DLG2: variants seen among roughly 807,000 people sequenced by gnomAD.
DLG2 encodes the protein discs large MAGUK scaffold protein 2, also known as disks large homolog 2.
DLG2 carries 45 observed loss-of-function variants against 132.5 expected under a neutral mutation model. That is an observed-to-expected ratio of 0.34 (90% CI 0.27 to 0.44). The LOEUF (loss-of-function observed/expected upper bound fraction) is 0.44. Among genes scored for constraint, DLG2 ranks in the 20% least tolerant of loss-of-function variants. The pLI, the probability that DLG2 is intolerant of heterozygous loss-of-function variation, is 1.00. For synonymous variants in DLG2, 424 were observed against 419.6 expected, an observed-to-expected ratio of 1.01 and a Z score of -0.13; for missense variants, 1,045 against 1,196.9, an observed-to-expected ratio of 0.87 and a Z score of 1.87.
At chr11:84,764,171 C>T (rs2068055000) in intron 6 of DLG2, among the ~76,000 whole-genome samples, 1 of 152,230 alleles carries the variant, frequency 6.6e-6, no homozygotes, top group African/African-American at 2.4e-5. Flanking sequence ...AGGAAGAATG[C>T]TTTCCAAAAC....
chr11:84,212,867 C>G (rs1317292335), intron 8 of DLG2, among the ~76,000 whole-genome samples: 1 of 152,152 alleles, frequency 6.6e-6, no homozygotes, highest in African/African-American at 2.4e-5. Context: ...ACCTTGTTAG[C>G]CAGGATGGTC....
chr11:83,963,597 T>G (rs750723641), intron 13 of DLG2, among the ~76,000 whole-genome samples: 1 of 151,978 alleles, frequency 6.6e-6, no homozygotes, highest in Non-Finnish European at 1.5e-5. Context: ...CCATTTTATA[T>G]GTTGAGATGA....
intron 19 of DLG2, among the ~76,000 whole-genome samples, chr11:83,554,153 G>A (rs146754609): frequency 6.4e-4 from 97 of 151,966 alleles, no homozygotes; most frequent in African/African-American, 2.2e-3. Context: ...CAAAGTGCTG[G>A]GATTACAGGA....
chr11:85,028,340 T>G (rs1345420073), intron 6 of DLG2, among the ~76,000 whole-genome samples: 1 of 152,156 alleles, frequency 6.6e-6, no homozygotes, highest in African/African-American at 2.4e-5. Flanking sequence ...AAGTTCTCAC[T>G]GTAAGCCACG....
intron 17 of DLG2, among the ~76,000 whole-genome samples, chr11:83,808,437 C>T (rs1405819347): frequency 1.3e-5 from 2 of 152,110 alleles, no homozygotes; most frequent in African/African-American, 4.8e-5. Context: ...GACCAAGAGG[C>T]ATTAAGTCAG....
chr11:83,515,988 G>A (rs1592262504), intron 21 of DLG2, among the ~76,000 whole-genome samples: 1 of 152,152 alleles, frequency 6.6e-6, no homozygotes, highest in South Asian at 2.1e-4. Context: ...GTGCTGAAAA[G>A]AATGTATATT....
At chr11:84,134,777 A>G (rs1324798378) in intron 9 of DLG2, among the ~76,000 whole-genome samples, 2 of 151,644 alleles carry the variant, frequency 1.3e-5, no homozygotes, top group African/African-American at 4.8e-5. Context: ...TGTTTGTACA[A>G]CTGATATATT....
At chr11:84,036,139 G>C (rs2095857688) in intron 11 of DLG2, among the ~76,000 whole-genome samples, 1 of 151,996 alleles carries the variant, frequency 6.6e-6, no homozygotes, top group Non-Finnish European at 1.5e-5. Context: ...GACTACCTAG[G>C]AGAAGAGGTT....
At chr11:83,770,881 T>C (rs550699440) in intron 18 of DLG2, among the ~76,000 whole-genome samples, 13 of 152,148 alleles carry the variant, frequency 8.5e-5, no homozygotes, top group Non-Finnish European at 1.5e-4. Context: ...GAAAATCCAC[T>C]TTTTTTGCTT....
At chr11:85,071,176 G>A (rs950742944) in intron 6 of DLG2, among the ~76,000 whole-genome samples, 6 of 151,800 alleles carry the variant, frequency 4.0e-5, no homozygotes, top group African/African-American at 1.4e-4. Context: ...TAACTACTGT[G>A]GACAGGAGTT....
At chr11:83,903,318 A>G (rs562001863) in intron 15 of DLG2, among the ~76,000 whole-genome samples, 2 of 152,272 alleles carry the variant, frequency 1.3e-5, no homozygotes, top group South Asian at 4.1e-4. Flanking sequence ...TTTTGAAATA[A>G]GTAGGAAAAA....
chr11:85,371,962 T>C (rs2085016642), intron 3 of DLG2, among the ~76,000 whole-genome samples: 1 of 152,230 alleles, frequency 6.6e-6, no homozygotes, highest in African/African-American at 2.4e-5. Flanking sequence ...TAATTTGTTT[T>C]TTAACAAAAA....
chr11:84,348,840 G>A (rs1600352721), intron 7 of DLG2, among the ~76,000 whole-genome samples: 1 of 152,306 alleles, frequency 6.6e-6, no homozygotes, highest in South Asian at 2.1e-4. Context: ...TTAAGATGAT[G>A]TGTCTACAAG....
At chr11:83,662,072 G>C (rs1464606287) in intron 18 of DLG2, among the ~76,000 whole-genome samples, 1 of 151,282 alleles carries the variant, frequency 6.6e-6, no homozygotes, top group African/African-American at 2.4e-5. Flanking sequence ...CAATTTTTTT[G>C]GTAAGGAAAC....
chr11:84,519,881 C>T (rs987588230), intron 7 of DLG2, among the ~76,000 whole-genome samples: 2 of 152,130 alleles, frequency 1.3e-5, no homozygotes, highest in Admixed American at 6.5e-5. Flanking sequence ...TAATTCATAT[C>T]ATTTCTGAAG....
At chr11:84,032,908 C>G (rs974749556) in intron 11 of DLG2, among the ~76,000 whole-genome samples, 4 of 152,060 alleles carry the variant, frequency 2.6e-5, no homozygotes, top group Non-Finnish European at 5.9e-5. Context: ...AACTGCAAAG[C>G]CTGGATGATA....
At chr11:84,617,593 G>A (rs911588425) in intron 6 of DLG2, among the ~76,000 whole-genome samples, 3 of 151,880 alleles carry the variant, frequency 2.0e-5, no homozygotes, top group Non-Finnish European at 2.9e-5. Context: ...TAATTTACAC[G>A]CCCACCAAAA....
At chr11:84,174,773 A>T (rs2095911411) in intron 8 of DLG2, among the ~76,000 whole-genome samples, 1 of 152,178 alleles carries the variant, frequency 6.6e-6, no homozygotes, top group African/African-American at 2.4e-5. Flanking sequence ...ATACCCTGGA[A>T]ATCATAACCC....
At chr11:84,926,768 G>T (rs2092993256) in intron 6 of DLG2, among the ~76,000 whole-genome samples, 1 of 151,952 alleles carries the variant, frequency 6.6e-6, no homozygotes, top group African/African-American at 2.4e-5. Flanking sequence ...ATATAAGGAA[G>T]AAGGAAATAC....
Sources: allele counts gnomAD v4.1 joint callset (sites outside exome capture counted in the v4.1 genomes callset), GRCh38; gene constraint gnomAD v4.1.1; transcripts MANE v1.5; gene names NCBI Gene and HGNC (gene_info 2026-07-23, HGNC 2026-07-21).